The following TMED6 variants were observed in gnomAD, a reference collection of about 807,000 sequenced individuals.
TMED6 encodes the protein transmembrane p24 trafficking protein 6.
TMED6 carries 17 observed loss-of-function variants against 26.5 expected under a neutral mutation model. The ratio of observed to expected loss-of-function variants is 0.64; its 90% CI spans 0.44 to 0.96. The LOEUF is 0.96. Ranked by LOEUF, TMED6 falls within the 40% of genes least tolerant of loss-of-function variation. The pLI is 0.00. For synonymous variants in TMED6, 107 were observed against 106.2 expected, an observed-to-expected ratio of 1.01 and a Z score of -0.04; for missense variants, 309 against 296.5, an observed-to-expected ratio of 1.04 and a Z score of -0.31.
intron 1 of TMED6, among the ~76,000 whole-genome samples, chr16:69,351,324 G>A (rs1195967042): frequency 6.6e-6 from 1 of 152,162 alleles, no homozygotes; most frequent in East Asian, 1.9e-4. Context: ...TTTGAGCATG[G>A]CCCCTGATGT....
At chr16:69,350,309 T>G (rs2012756435) in intron 1 of TMED6, among the ~76,000 whole-genome samples, 2 of 151,300 alleles carry the variant, frequency 1.3e-5, no homozygotes, top group African/African-American at 2.4e-5. Flanking sequence ...GCTGTAGAAT[T>G]TTTTATTTTT....
chr16:69,351,577 A>T lies in TMED6; in HGVS notation c.177T>A (p.Phe59Leu). The change falls in exon 1 of 4, where the codon TTT (phenylalanine) becomes TTA (leucine). Residue 59 changes from phenylalanine (F) to leucine (L), a missense_variant. Transcript: ENST00000288025. Reference sequence around the variant, plus strand: ...AATAGAAGTATCCAGTCTGGTGGGCAAATTGCCAAAAGCATTCCGTGCCTC... The same window carrying T: ...AATAGAAGTATCCAGTCTGGTGGGCTAATTGCCAAAAGCATTCCGTGCCTC... The part of the protein sequence containing the change: ...PPGGTECFWQ[F>L]AHQTGYFYFS... 1 of 1,614,154 alleles carries T rather than the reference A, an allele frequency of 6.2e-7. No individual in the cohort carries two copies. Among genetic ancestry groups the T allele is most frequent in the Non-Finnish European group, 8.5e-7 (1 of 1,180,032 alleles).
chr16:69,343,685 C>T, intron 3 of TMED6, 45 bp from the exon 4 acceptor site: 2 of 1,538,410 alleles, frequency 1.3e-6, no homozygotes, highest in Non-Finnish European at 9.0e-7. Flanking sequence ...AAACCCCCAT[C>T]TAGCCTCACC....
chr16:69,347,435 T>G (rs571834115), intron 3 of TMED6, among the ~76,000 whole-genome samples: 1 of 152,328 alleles, frequency 6.6e-6, no homozygotes, highest in African/African-American at 2.4e-5. Context: ...CTCGGCTTAC[T>G]GCAACCTCTG....
intron 1 of TMED6, among the ~76,000 whole-genome samples, chr16:69,350,574 A>T (rs917139080): frequency 3.3e-5 from 5 of 152,134 alleles, no homozygotes; most frequent in Non-Finnish European, 5.9e-5. Flanking sequence ...TGCTGGGATG[A>T]CAGATGTGAG....
intron 3 of TMED6, among the ~76,000 whole-genome samples, chr16:69,343,856 T>G (rs1227906546): frequency 1.3e-5 from 2 of 152,212 alleles, no homozygotes; most frequent in African/African-American, 4.8e-5. Context: ...TGAGACAGGG[T>G]CTCACTTGTT....
chr16:69,349,557 C>G lies in TMED6; in HGVS notation c.308G>C (p.Arg103Pro). Residue 103 changes from arginine to proline, a missense_variant, in exon 2 of 4, where the codon CGG (arginine) becomes CCG (proline). Arg to Pro is a moderately radical substitution (Grantham distance 103, BLOSUM62 -2). Coordinates refer to ENST00000288025, the MANE Select transcript of TMED6 (RefSeq NM_144676.4). The stretch of plus-strand genomic sequence containing the variant: ...TTGGGTAGAGAAGTTAATCTGGCCC[C>G]GAACACCCTGGGAGGTGTCTATGAG... ...GFLIDTSQGV[R>P]GQINFSTQET... 4.3e-6 allele frequency: 7 copies of G among 1,613,802 alleles called. No homozygotes were observed. Among genetic ancestry groups the G allele is most frequent in the East Asian group, 2.2e-5 (1 of 44,880 alleles).
In TMED6 at chr16:69,343,633, G is replaced by A. The variant is rs1259613608; in HGVS notation, c.497C>T (p.Thr166Ile). The change falls in exon 4 of 4, where the codon ACA becomes ATA. Residue 166 changes from threonine to isoleucine, a missense_variant. Coordinates refer to ENST00000288025, the MANE Select transcript of TMED6 (RefSeq NM_144676.4). ...NDTLDAIEDG[T>I]QKVQNNIFHM... ...AAAGATATTGTTCTGCACCTTTTGTGTGCCGTCCTATGAGAGAGACAATTT... is the reference window on the plus strand; with the variant it reads ...AAAGATATTGTTCTGCACCTTTTGTATGCCGTCCTATGAGAGAGACAATTT... 1 of 1,613,122 alleles carries A rather than the reference G, an allele frequency of 6.2e-7. No individual in the cohort carries two copies. Among genetic ancestry groups the A allele is most frequent in the Non-Finnish European group, 8.5e-7 (1 of 1,179,104 alleles).
chr16:69,344,455 G>A (rs1405566495), intron 3 of TMED6, among the ~76,000 whole-genome samples: 1 of 152,152 alleles, frequency 6.6e-6, no homozygotes, highest in Admixed American at 6.5e-5. Context: ...GTGAGCTTTT[G>A]TGCATTTAGG....
intron 2 of TMED6, 132 bp from the exon 3 acceptor site, chr16:69,348,068 C>T: frequency 1.0e-6 from 1 of 967,008 alleles, no homozygotes; most frequent in Non-Finnish European, 1.5e-6. Flanking sequence ...GTACAAAGAT[C>T]CCGTTTTTGA....
rs1006937674 is a variant in TMED6 at position 69,351,746 on chromosome 16, G to A, written c.8C>T (p.Pro3Leu). MS[P>L]LLFGAGLVVL... ...GACCAGCCCAGCCCCAAAGAGCAAA[G>A]GGGACATGCCGCTTTCTGGAGCCTC... The change falls in exon 1 of 4, where the codon CCT becomes CTT. Residue 3 changes from proline (P) to leucine (L), a missense_variant. Transcript: ENST00000288025. 6.2e-7 allele frequency: 1 copy of A among 1,612,550 alleles called. No individual in the cohort carries two copies. Among genetic ancestry groups the A allele is most frequent in the East Asian group, 2.2e-5 (1 of 44,894 alleles).
rs916790485 is a variant in TMED6, at chr16:69,351,644, C to G, written c.110G>C (p.Arg37Pro). 1.9e-6 allele frequency: 3 copies of G among 1,614,098 alleles called. No homozygotes were observed. The South Asian group carries it at 3.3e-5, about 18-fold the overall frequency. ...LSGSGDQPLFRGADRYDFAIM... is the reference protein window; with the variant it reads ...LSGSGDQPLFPGADRYDFAIM... ...GGCAAAGTCATATCGATCAGCTCCA[C>G]GGAAGAGTGGCTGGTCCCCAGAGCC... Residue 37 changes from arginine (R) to proline (P), a missense_variant, in exon 1 of 4, where the codon CGT becomes CCT. Arg to Pro is a moderately radical substitution (Grantham distance 103, BLOSUM62 -2). Coordinates refer to ENST00000288025, the MANE Select transcript of TMED6 (RefSeq NM_144676.4).
intron 2 of TMED6, among the ~76,000 whole-genome samples, chr16:69,349,233 G>C (rs11864978): frequency 0.025 from 3,753 of 152,230 alleles, 162 homozygotes; most frequent in African/African-American, 0.085. Flanking sequence ...ATTATAAATG[G>C]GTCTCTGTTT....
intron 1 of TMED6, among the ~76,000 whole-genome samples, chr16:69,350,404 A>T (rs1257041041): frequency 6.6e-6 from 1 of 151,420 alleles, no homozygotes; most frequent in Non-Finnish European, 1.5e-5. Flanking sequence ...GGTTCAAGCG[A>T]TTCTCCTGCC....
intron 2 of TMED6, 101 bp downstream of exon 2, chr16:69,349,424 T>G (rs1373237462): frequency 5.6e-6 from 8 of 1,426,020 alleles, no homozygotes; most frequent in Non-Finnish European, 6.6e-6. Flanking sequence ...AAGGCTGAAT[T>G]TTTTTCCTAC....
At chr16:69,345,994 G>A (rs2012680502) in intron 3 of TMED6, among the ~76,000 whole-genome samples, 1 of 152,178 alleles carries the variant, frequency 6.6e-6, no homozygotes, top group Non-Finnish European at 1.5e-5. Context: ...ATGGGCAAAG[G>A]ACTCGAACAG....
chr16:69,346,625 A>G (rs1326208050), intron 3 of TMED6, among the ~76,000 whole-genome samples: 1 of 152,092 alleles, frequency 6.6e-6, no homozygotes, highest in East Asian at 1.9e-4. Context: ...TTAGCCGGGC[A>G]TGGTGAGAGG....
At position 69,343,538 on chromosome 16, in the gene TMED6, A is replaced by T; in HGVS notation, c.592T>A (p.Tyr198Asn). The change falls in exon 4 of 4, where the codon TAT (tyrosine) becomes AAT (asparagine). Residue 198 changes from tyrosine to asparagine, a missense_variant. Physicochemically the swap from Tyr to Asn is moderately radical, Grantham distance 143. Transcript: ENST00000288025. The stretch of plus-strand genomic sequence containing the variant: ...GTCGACCACCAGTTCACGTAGTTAT[A>T]GTTTGATTGGATAAGGAAAAAGTCA... ...MADFFLIQSN[Y>N]NYVNWWSTAQ... 1 of 1,614,210 alleles carries T rather than the reference A, an allele frequency of 6.2e-7. No individual in the cohort carries two copies. Among genetic ancestry groups the T allele is most frequent in the East Asian group, 2.2e-5 (1 of 44,884 alleles).
chr16:69,346,939 G>A (rs981506195), intron 3 of TMED6, among the ~76,000 whole-genome samples: 1 of 152,136 alleles, frequency 6.6e-6, no homozygotes, highest in Non-Finnish European at 1.5e-5. Flanking sequence ...TTGGCAAGCC[G>A]AGGTGGGAGG....
Sources: allele counts gnomAD v4.1 joint callset (sites outside exome capture counted in the v4.1 genomes callset), GRCh38; gene constraint gnomAD v4.1.1; transcripts MANE v1.5; gene names NCBI Gene and HGNC (gene_info 2026-07-23, HGNC 2026-07-21).